GPR107: variants seen among roughly 807,000 people sequenced by gnomAD.
GPR107 encodes protein GPR107.
A neutral mutation model predicts 75.5 loss-of-function variants in GPR107; 31 were observed. That is an observed-to-expected ratio of 0.41 (90% CI 0.31 to 0.55). GPR107 has a LOEUF of 0.55. Among genes scored for constraint, GPR107 ranks in the 20% least tolerant of loss-of-function variants. The probability of loss-of-function intolerance (pLI) is 0.26; values close to 1 mark genes in which losing one functional copy is unlikely to be tolerated. For missense variants in GPR107, 572 were observed against 665.7 expected, an observed-to-expected ratio of 0.86 and a Z score of 1.55; for synonymous variants, 267 against 251.3, an observed-to-expected ratio of 1.06 and a Z score of -0.59.
chr9:130,125,181 C>T (rs1831644795), intron 15 of GPR107, among the ~76,000 whole-genome samples: 1 of 132,110 alleles, frequency 7.6e-6, no homozygotes. Context: ...TCACTGCAAT[C>T]TCCACTTCCC....
At chr9:130,086,230 A>G (rs1308733035) in intron 6 of GPR107, among the ~76,000 whole-genome samples, 190 bp from the exon 7 acceptor site, 2 of 152,232 alleles carry the variant, frequency 1.3e-5, no homozygotes, top group Non-Finnish European at 2.9e-5. Flanking sequence ...GTGAAGAACA[A>G]CTACCATTCT....
chr9:130,111,341 G>C (rs527785069), intron 14 of GPR107, among the ~76,000 whole-genome samples: 1 of 152,124 alleles, frequency 6.6e-6, no homozygotes, highest in African/African-American at 2.4e-5. Flanking sequence ...GACCAGCCTG[G>C]GCAACATGGC....
intron 14 of GPR107, among the ~76,000 whole-genome samples, chr9:130,110,909 A>T (rs2132625807): frequency 6.6e-6 from 1 of 152,292 alleles, no homozygotes; most frequent in East Asian, 1.9e-4. Flanking sequence ...CTCCTATTAG[A>T]TTTGGAAGCT....
chr9:130,127,633 T>G, intron 16 of GPR107, 67 bp downstream of exon 16: 1 of 831,788 alleles, frequency 1.2e-6, no homozygotes, highest in South Asian at 1.4e-5. Flanking sequence ...AAGTGTAACT[T>G]AACAGTTGTT....
intron 3 of GPR107, among the ~76,000 whole-genome samples, chr9:130,076,792 C>A (rs1045046486): frequency 6.6e-6 from 1 of 151,948 alleles, no homozygotes; most frequent in Non-Finnish European, 1.5e-5. Flanking sequence ...GGACTGCAGG[C>A]GTGAGCACCA....
At chr9:130,111,825 C>T (rs956801323) in intron 14 of GPR107, among the ~76,000 whole-genome samples, 10 of 152,230 alleles carry the variant, frequency 6.6e-5, no homozygotes, top group Middle Eastern at 3.4e-3. Flanking sequence ...GCATTGAGGC[C>T]GAAGCTGCCC....
rs138309360 is a variant in GPR107 at position 130,106,617 on chromosome 9, A to AAATAAT, written c.1263-862_1263-857dup. Reference sequence around the variant, plus strand: ...TCTCAAAATAAATAAATAAATAAATAAATAATAATAATAATAATAATACTT... The same window carrying AAATAAT: ...TCTCAAAATAAATAAATAAATAAATAAATAATAATAATAATAATAATAATAATACTT... On this transcript the variant is annotated intron_variant, in intron 13 of 17. Transcript: ENST00000347136. Among the ~76,000 whole-genome samples, 626 of 145,148 alleles carry AAATAAT rather than the reference A, an allele frequency of 4.3e-3. 6 individuals carry two copies. The highest frequency in any genetic ancestry group is 0.014 in the African/African-American group (546 of 39,362).
intron 9 of GPR107, among the ~76,000 whole-genome samples, chr9:130,099,232 G>A (rs900379878): frequency 2.0e-5 from 3 of 151,786 alleles, no homozygotes; most frequent in African/African-American, 7.3e-5. Flanking sequence ...CTGCTTGATC[G>A]CTTGAGCCTG....
At chr9:130,076,373 G>C in intron 2 of GPR107, 39 bp from the exon 3 acceptor site, 1 of 1,199,954 alleles carries the variant, frequency 8.3e-7, no homozygotes, top group Non-Finnish European at 1.2e-6. Context: ...ATGGACAATT[G>C]TGTAGATATT....
In GPR107 at chr9:130,112,279, G is replaced by A. The variant is rs879648911; in HGVS notation, c.1306+4740G>A. On this transcript the variant is annotated intron_variant, in intron 14 of 17. Transcript: ENST00000347136. The surrounding 1 kb of genome is among the most constrained non-coding windows in gnomAD (Gnocchi z 4.0). ...AACGGCTTCATTCCGAGGTGCCGCC[G>A]TGCTCTGAAAGGAGCCGCGACCATG... Among the ~76,000 whole-genome samples the A allele has an allele frequency of 5.9e-5, 9 of 152,206 alleles. No homozygotes were observed. The highest frequency in any genetic ancestry group is 1.2e-4 in the African/African-American group (5 of 41,454).
intron 14 of GPR107, among the ~76,000 whole-genome samples, chr9:130,108,560 T>C (rs897521660): frequency 1.8e-4 from 27 of 152,228 alleles, no homozygotes; most frequent in Non-Finnish European, 3.4e-4. Context: ...CTGGAACAGA[T>C]AGTATGGCAT....
At chr9:130,076,319 C>G in intron 2 of GPR107, 93 bp from the exon 3 acceptor site, 1 of 738,268 alleles carries the variant, frequency 1.4e-6, no homozygotes, top group South Asian at 1.6e-5. Flanking sequence ...CAGAGGAGAC[C>G]ACGTTAGAAG....
intron 13 of GPR107, 38 bp downstream of exon 13, chr9:130,104,588 T>G: frequency 6.3e-7 from 1 of 1,583,864 alleles, no homozygotes; most frequent in South Asian, 1.1e-5. Context: ...CATGACAGCT[T>G]GGCTGTCAAG....
At chr9:130,061,083 A>G (rs867684515) in intron 1 of GPR107, among the ~76,000 whole-genome samples, 43 of 152,182 alleles carry the variant, frequency 2.8e-4, no homozygotes, top group African/African-American at 9.2e-4. Flanking sequence ...TTCGCAACAC[A>G]TGCCTTCTGT....
At chr9:130,057,762 T>C (rs1829829645) in intron 1 of GPR107, among the ~76,000 whole-genome samples, 1 of 151,762 alleles carries the variant, frequency 6.6e-6, no homozygotes, top group Non-Finnish European at 1.5e-5. Context: ...CTTCTGGCTT[T>C]CCCAGTCTTC....
At chr9:130,070,610 A>G (rs1041498983) in intron 1 of GPR107, among the ~76,000 whole-genome samples, 2 of 152,178 alleles carry the variant, frequency 1.3e-5, no homozygotes, top group African/African-American at 4.8e-5. Context: ...AGCCAAAAAG[A>G]AAAAGTTGAA....
At chr9:130,093,815 C>CT (rs1029878099) in intron 9 of GPR107, among the ~76,000 whole-genome samples, 28 of 146,382 alleles carry the variant, frequency 1.9e-4, no homozygotes, top group Admixed American at 3.4e-4. Flanking sequence ...ACCCCCATTT[C>CT]TTTTTTTTTT....
At position 130,136,443 on chromosome 9, in the gene GPR107, GC is replaced by G. The variant is rs1192184240; in HGVS notation, c.*1324del. 2 of 152,314 alleles carry G rather than the reference GC, an allele frequency of 1.3e-5. No homozygotes were observed. The highest frequency in any genetic ancestry group is 1.3e-4 in the Admixed American group (2 of 15,306). 9.4% of individuals were successfully genotyped at this position (152,314 alleles called of 1,614,324 possible). A position where few individuals can be genotyped will look rare whatever the true frequency, so the allele number is the denominator to read the frequency against. On this transcript the variant is annotated 3_prime_UTR_variant, in exon 18 of 18. Coordinates refer to ENST00000347136, the MANE Select transcript of GPR107 (RefSeq NM_020960.5). Reference sequence around the variant, plus strand: ...AGGGAAGCTTCTTAATGCTTGGGGGGCCAGCTAGGTAGGGTTGCTTCCAAAA... The same window carrying G: ...AGGGAAGCTTCTTAATGCTTGGGGGGCAGCTAGGTAGGGTTGCTTCCAAAA...
chr9:130,088,284 C>T (rs1310330168), intron 7 of GPR107, among the ~76,000 whole-genome samples: 2 of 152,200 alleles, frequency 1.3e-5, no homozygotes, highest in Admixed American at 1.3e-4. Flanking sequence ...GCTTTAGGCT[C>T]TGCTCTCGCT....
Sources: allele counts gnomAD v4.1 joint callset (sites outside exome capture counted in the v4.1 genomes callset), GRCh38; gene constraint gnomAD v4.1.1; non-coding constraint Gnocchi (gnomAD v3.1); transcripts MANE v1.5; gene names NCBI Gene and HGNC (gene_info 2026-07-23, HGNC 2026-07-21).